Variants in APPBP2 observed in about 807,000 individuals in gnomAD.
APPBP2 encodes amyloid protein-binding protein 2.
A neutral mutation model predicts 76.0 loss-of-function variants in APPBP2; 15 were observed. The observed-to-expected ratio is 0.20, with a 90% CI of 0.13 to 0.30. The LOEUF is 0.30. Among genes scored for constraint, APPBP2 ranks in the 10% least tolerant of loss-of-function variants. The pLI, the probability that APPBP2 is intolerant of heterozygous loss-of-function variation, is 1.00. For missense variants in APPBP2, 401 were observed against 687.2 expected (o/e 0.58, Z 4.66); for synonymous variants, 222 against 242.2 (o/e 0.92, Z 0.77).
At position 60,526,022 on chromosome 17, in the gene APPBP2, T is replaced by C; in HGVS notation, c.-91A>G. On this transcript the variant is annotated 5_prime_UTR_variant, in exon 1 of 13. Coordinates refer to ENST00000083182, the MANE Select transcript of APPBP2 (RefSeq NM_006380.5). The stretch of plus-strand genomic sequence containing the variant: ...CGAACCCCTCTGCGGCCCCGGAGGA[T>C]TCGGAGGGGCGGTGGCAGCCACGCG... 7.6e-7 allele frequency: 1 copy of C among 1,317,008 alleles called. No homozygotes were observed. The highest frequency in any genetic ancestry group is 1.4e-5 in the South Asian group (1 of 69,170). 81.6% of individuals were successfully genotyped at this position (1,317,008 alleles called of 1,614,324 possible). A position where few individuals can be genotyped will look rare whatever the true frequency, so the allele number is the denominator to read the frequency against.
At chr17:60,469,253 G>A (rs1438253945) in intron 4 of APPBP2, among the ~76,000 whole-genome samples, 1 of 149,894 alleles carries the variant, frequency 6.7e-6, no homozygotes, top group Non-Finnish European at 1.5e-5. Context: ...TTGAACCCAG[G>A]AGGCAGAGAT....
At chr17:60,481,438 TA>T (rs1165502009) in intron 3 of APPBP2, among the ~76,000 whole-genome samples, 1 of 152,132 alleles carries the variant, frequency 6.6e-6, no homozygotes, top group Admixed American at 6.6e-5. Context: ...AATAAATAAA[TA>T]TTTTTTATGC....
In APPBP2 at chr17:60,466,128, C is replaced by T. The variant is rs561239692; in HGVS notation, c.672+163G>A. Among the ~76,000 whole-genome samples the T allele has an allele frequency of 1.3e-3, 194 of 152,248 alleles. 1 individual carries two copies. The highest frequency in any genetic ancestry group is 1.3e-4 in the Non-Finnish European group (9 of 68,016). ...GATTACAGGCATGAGCCACAGTGCT[C>T]GGCTTGTCTGATTTTAAATTTTCCA... On this transcript the variant is annotated intron_variant, in intron 5 of 12. Coordinates refer to ENST00000083182, the MANE Select transcript of APPBP2 (RefSeq NM_006380.5).
At chr17:60,452,310 C>A (rs2090401204) in intron 11 of APPBP2, among the ~76,000 whole-genome samples, 1 of 152,138 alleles carries the variant, frequency 6.6e-6, no homozygotes, top group Non-Finnish European at 1.5e-5. Flanking sequence ...AAAATTGTTA[C>A]AAGAAATTCA....
chr17:60,519,156 T>A (rs1445064102), intron 1 of APPBP2, among the ~76,000 whole-genome samples: 1 of 151,868 alleles, frequency 6.6e-6, no homozygotes, highest in Non-Finnish European at 1.5e-5. Context: ...AAAGACAGTG[T>A]CTCCCTATGT....
Position 60,466,466 on chromosome 17 carries a change from A to G in APPBP2, c.504-7T>C. 1.2e-6 allele frequency: 2 copies of G among 1,608,980 alleles called. No homozygotes were observed. Among genetic ancestry groups the G allele is most frequent in the Non-Finnish European group, 1.7e-6 (2 of 1,179,346 alleles). On this transcript the variant is annotated splice_polypyrimidine_tract_variant and splice_region_variant and intron_variant, in intron 4 of 12. Coordinates refer to ENST00000083182, the MANE Select transcript of APPBP2 (RefSeq NM_006380.5). ...ATTTCGCACATGAAGCAACCTATAA[A>G]ACACCAATAACATTGCTCTATTTTT...
chr17:60,473,569 T>A (rs1344337188), intron 4 of APPBP2, among the ~76,000 whole-genome samples: 2 of 152,106 alleles, frequency 1.3e-5, no homozygotes, highest in Non-Finnish European at 2.9e-5. Flanking sequence ...AAGCCCAGTA[T>A]TTTGGGAGGC....
At chr17:60,505,985 T>G (rs1212701567) in intron 1 of APPBP2, among the ~76,000 whole-genome samples, 2 of 144,368 alleles carry the variant, frequency 1.4e-5, no homozygotes, top group African/African-American at 5.6e-5. Context: ...GCCTGGCCTT[T>G]CTTTTTTTTT....
intron 1 of APPBP2, among the ~76,000 whole-genome samples, chr17:60,524,310 A>G (rs1040340060): frequency 6.6e-6 from 1 of 152,246 alleles, no homozygotes; most frequent in African/African-American, 2.4e-5. Flanking sequence ...ATTTAATAAA[A>G]TGGACAGAGA....
chr17:60,518,591 C>T (rs182880823), intron 1 of APPBP2, among the ~76,000 whole-genome samples: 1 of 152,166 alleles, frequency 6.6e-6, no homozygotes, highest in East Asian at 1.9e-4. Flanking sequence ...TAACCACTCA[C>T]TGCAGCCTTG....
chr17:60,526,084 C>T lies in APPBP2; in HGVS notation c.-153G>A, dbSNP rs1266632750. 2 of 684,302 alleles carry T rather than the reference C, an allele frequency of 2.9e-6. No individual in the cohort carries two copies. Among genetic ancestry groups the T allele is most frequent in the Non-Finnish European group, 4.8e-6 (2 of 412,662 alleles). The allele number at this position is 684,302 out of a possible 1,614,324, so 42.4% of individuals were successfully genotyped here. On this transcript the variant is annotated 5_prime_UTR_variant, in exon 1 of 13. Transcript: ENST00000083182. ...GAAGGCACGGCCGCCCTGCCTCCTC[C>T]GGGGGCAAACTGAGGGACGGCGGCA...
chr17:60,449,182 C>G (rs1466570970), intron 12 of APPBP2, among the ~76,000 whole-genome samples: 2 of 152,168 alleles, frequency 1.3e-5, no homozygotes, highest in Admixed American at 1.3e-4. Flanking sequence ...GTTAGCAACT[C>G]TTAAACTACA....
At chr17:60,495,227 C>T (rs2143436067) in intron 2 of APPBP2, among the ~76,000 whole-genome samples, 1 of 151,638 alleles carries the variant, frequency 6.6e-6, no homozygotes, top group East Asian at 1.9e-4. Flanking sequence ...ACCTTGTGAT[C>T]TACCCACCTC....
At chr17:60,523,735 GGACT>G (rs1421859626) in intron 1 of APPBP2, among the ~76,000 whole-genome samples, 4 of 151,772 alleles carry the variant, frequency 2.6e-5, no homozygotes, top group Admixed American at 1.3e-4. Context: ...TAGAGTCCTG[GGACT>G]GACTTTCACT....
chr17:60,455,564 TA>T (rs2090424939), intron 10 of APPBP2, among the ~76,000 whole-genome samples: 1 of 152,134 alleles, frequency 6.6e-6, no homozygotes. Flanking sequence ...AAATGGAAGA[TA>T]GGGGTATTTT....
chr17:60,505,561 C>T (rs756601579), intron 1 of APPBP2, among the ~76,000 whole-genome samples: 9 of 152,002 alleles, frequency 5.9e-5, no homozygotes, highest in Non-Finnish European at 1.2e-4. Flanking sequence ...GTGATCCGCC[C>T]ACCGTGGCCT....
chr17:60,470,706 T>C (rs895480794), intron 4 of APPBP2, among the ~76,000 whole-genome samples: 1 of 151,420 alleles, frequency 6.6e-6, no homozygotes, highest in Non-Finnish European at 1.5e-5. Flanking sequence ...GCCTCCAGAG[T>C]AGCTTGGATT....
At chr17:60,482,166 C>A (rs1018916967) in intron 3 of APPBP2, among the ~76,000 whole-genome samples, 3 of 152,174 alleles carry the variant, frequency 2.0e-5, no homozygotes, top group Non-Finnish European at 2.9e-5. Flanking sequence ...CAGGTGTGAG[C>A]CACCGCGTCC....
chr17:60,525,672 G>A (rs1334232894), intron 1 of APPBP2, 122 bp downstream of exon 1: 3 of 1,455,982 alleles, frequency 2.1e-6, no homozygotes, highest in Non-Finnish European at 2.8e-6. Flanking sequence ...CGCACCAGAC[G>A]TTTCGGGAGG....
Sources: allele counts gnomAD v4.1 joint callset (sites outside exome capture counted in the v4.1 genomes callset), GRCh38; gene constraint gnomAD v4.1.1; transcripts MANE v1.5; gene names NCBI Gene and HGNC (gene_info 2026-07-23, HGNC 2026-07-21).